TRAPPC9: variants seen among roughly 807,000 people sequenced by gnomAD.
TRAPPC9 encodes trafficking protein particle complex subunit 9.
A neutral mutation model predicts 124.0 loss-of-function variants in TRAPPC9; 83 were observed. The ratio of observed to expected loss-of-function variants is 0.67; its 90% CI spans 0.56 to 0.80. TRAPPC9 has a LOEUF of 0.80. Ranked by LOEUF, TRAPPC9 falls within the 30% of genes least tolerant of loss-of-function variation. TRAPPC9 has a pLI of 0.00. For synonymous variants in TRAPPC9, 638 were observed against 617.5 expected (o/e 1.03, Z -0.49); for missense variants, 1,302 against 1,508.3 (o/e 0.86, Z 2.27).
intron 21 of TRAPPC9, among the ~76,000 whole-genome samples, chr8:139,847,296 G>A (rs558272277): frequency 3.9e-5 from 6 of 152,334 alleles, no homozygotes; most frequent in African/African-American, 7.2e-5. Flanking sequence ...ACACACCCCC[G>A]GAACTGTGAG....
rs1032024325 is a variant in TRAPPC9, at chr8:139,729,412, C to A, written c.*1649G>T. 3.3e-5 allele frequency among the ~76,000 whole-genome samples: 5 copies of A among 152,216 alleles called. No homozygotes were observed. The highest frequency in any genetic ancestry group is 2.6e-4 in the Admixed American group (4 of 15,286). ...CAGGCCCTCAACTACGCTGAGGCAT[C>A]CTGAACGGAAGGGCTGAAGAGACCG... On this transcript the variant is annotated 3_prime_UTR_variant, in exon 23 of 23. Coordinates refer to ENST00000438773, the MANE Select transcript of TRAPPC9 (RefSeq NM_001160372.4).
intron 21 of TRAPPC9, among the ~76,000 whole-genome samples, chr8:139,738,521 G>A (rs2130034112): frequency 6.6e-6 from 1 of 152,336 alleles, no homozygotes; most frequent in East Asian, 1.9e-4. Flanking sequence ...CAGGAGAGGG[G>A]CACACTTCGC....
chr8:140,344,038 T>A (rs1222985626), intron 9 of TRAPPC9, among the ~76,000 whole-genome samples: 1 of 152,052 alleles, frequency 6.6e-6, no homozygotes, highest in Non-Finnish European at 1.5e-5. Context: ...TCCCCCCAAA[T>A]TCACGTTATA....
intron 19 of TRAPPC9, among the ~76,000 whole-genome samples, chr8:139,919,221 T>C (rs1240123391): frequency 6.6e-6 from 1 of 152,222 alleles, no homozygotes; most frequent in Non-Finnish European, 1.5e-5. Flanking sequence ...CTCACCTGTT[T>C]GCTTTGTGAC....
intron 21 of TRAPPC9, among the ~76,000 whole-genome samples, chr8:139,866,995 T>C (rs1828587931): frequency 6.6e-6 from 1 of 152,148 alleles, no homozygotes; most frequent in Non-Finnish European, 1.5e-5. Context: ...CCACCACAGC[T>C]GGCTAGTTTT....
intron 17 of TRAPPC9, among the ~76,000 whole-genome samples, chr8:140,086,965 C>T (rs1395415966): frequency 1.3e-5 from 2 of 152,024 alleles, no homozygotes; most frequent in Non-Finnish European, 1.5e-5. Flanking sequence ...CTTCATCCCA[C>T]ACCTCCCTCC....
At chr8:140,064,308 G>T (rs1842791695) in intron 17 of TRAPPC9, among the ~76,000 whole-genome samples, 2 of 152,184 alleles carry the variant, frequency 1.3e-5, no homozygotes, top group African/African-American at 4.8e-5. Context: ...ATTCATCGAT[G>T]TATACCTAGA....
At chr8:140,305,121 T>C (rs527780582) in intron 10 of TRAPPC9, among the ~76,000 whole-genome samples, 25 of 152,348 alleles carry the variant, frequency 1.6e-4, no homozygotes, top group African/African-American at 6.0e-4. Flanking sequence ...ATGCCTGTTC[T>C]TGAGAGGGGG....
At chr8:140,155,643 T>C (rs1171092004) in intron 17 of TRAPPC9, among the ~76,000 whole-genome samples, 1 of 152,206 alleles carries the variant, frequency 6.6e-6, no homozygotes. Flanking sequence ...TTTGTTTTAA[T>C]ACGTAACCCT....
intron 17 of TRAPPC9, among the ~76,000 whole-genome samples, chr8:140,167,003 G>C (rs1041867652): frequency 1.3e-5 from 2 of 152,182 alleles, no homozygotes; most frequent in African/African-American, 2.4e-5. Flanking sequence ...CAAAACGCAT[G>C]ATCTCGCCAT....
intron 18 of TRAPPC9, among the ~76,000 whole-genome samples, chr8:139,994,751 C>T (rs1837858708): frequency 6.6e-6 from 1 of 152,046 alleles, no homozygotes; most frequent in African/African-American, 2.4e-5. Context: ...AGGAATCCAA[C>T]AACAAGAAAG....
chr8:140,209,341 G>C (rs2063002266), intron 17 of TRAPPC9, among the ~76,000 whole-genome samples: 2 of 152,212 alleles, frequency 1.3e-5, no homozygotes, highest in African/African-American at 4.8e-5. Context: ...CTGGATGTTT[G>C]CTGAAGGAAT....
At position 139,961,800 on chromosome 8, in the gene TRAPPC9, C is replaced by T. The variant is rs915957931; in HGVS notation, c.2810+26926G>A. ...CACCCATGGCTGCCTATGGACCAGTCGGCAGGCACTTCCTCGCCTGTGAGG... is the reference window on the plus strand; with the variant it reads ...CACCCATGGCTGCCTATGGACCAGTTGGCAGGCACTTCCTCGCCTGTGAGG... On this transcript the variant is annotated intron_variant, in intron 19 of 22. Transcript: ENST00000438773. 9.2e-4 allele frequency among the ~76,000 whole-genome samples: 114 copies of T among 123,976 alleles called. 15 individuals are homozygous for T. Among genetic ancestry groups the T allele is most frequent in the African/African-American group, 2.7e-3 (106 of 39,266 alleles). The allele number at this position is 123,976 out of a possible 152,430, so 81.3% of individuals were successfully genotyped here. A position where few individuals can be genotyped will look rare whatever the true frequency, so the allele number is the denominator to read the frequency against.
intron 21 of TRAPPC9, among the ~76,000 whole-genome samples, chr8:139,766,553 G>C (rs767323356): frequency 5.3e-5 from 8 of 152,184 alleles, no homozygotes; most frequent in Non-Finnish European, 8.8e-5. Flanking sequence ...TCTGCACCAG[G>C]GGCTCTGGAA....
chr8:139,975,736 C>T (rs1263492569), intron 19 of TRAPPC9, among the ~76,000 whole-genome samples: 1 of 152,126 alleles, frequency 6.6e-6, no homozygotes, highest in Non-Finnish European at 1.5e-5. Flanking sequence ...TCCCTCCCAA[C>T]TTCACCCCAC....
At chr8:139,747,499 G>T (rs1331958450) in intron 21 of TRAPPC9, among the ~76,000 whole-genome samples, 6 of 136,064 alleles carry the variant, frequency 4.4e-5, no homozygotes, top group African/African-American at 1.7e-4. Flanking sequence ...AGGTGTGCAG[G>T]ATCAGAGAAG....
At chr8:139,866,821 A>G (rs1261006388) in intron 21 of TRAPPC9, among the ~76,000 whole-genome samples, 2 of 152,056 alleles carry the variant, frequency 1.3e-5, no homozygotes, top group African/African-American at 4.8e-5. Context: ...TCCCAGCTCC[A>G]TCCTCTGAGA....
chr8:139,804,403 A>AAC (rs1823846668), intron 21 of TRAPPC9, among the ~76,000 whole-genome samples: 1 of 103,290 alleles, frequency 9.7e-6, no homozygotes. Flanking sequence ...CACCACACAC[A>AAC]CAACCACCAC....
intron 19 of TRAPPC9, among the ~76,000 whole-genome samples, chr8:139,976,489 A>T (rs1009480194): frequency 1.3e-5 from 2 of 152,192 alleles, no homozygotes; most frequent in Non-Finnish European, 2.9e-5. Flanking sequence ...GACTGGGAGA[A>T]GTATCTCTAA....
Sources: gnomAD v4.1 joint callset for allele counts (sites outside exome capture counted in the v4.1 genomes callset) on GRCh38, gnomAD v4.1.1 for gene constraint, MANE v1.5 for transcripts, NCBI Gene and HGNC (gene_info 2026-07-23, HGNC 2026-07-21) for gene names.